PLEKHG1: variants seen among roughly 807,000 people sequenced by gnomAD.
PLEKHG1 encodes pleckstrin homology domain-containing family G member 1.
Under a neutral mutation model 100.8 loss-of-function variants are expected in PLEKHG1, and 44 were observed. The ratio of observed to expected loss-of-function variants is 0.44; its 90% CI spans 0.34 to 0.56. PLEKHG1 has a LOEUF of 0.56. PLEKHG1 is among the 20% of genes least tolerant of loss of function. PLEKHG1 has a pLI of 0.01. For missense variants in PLEKHG1, 1,545 were observed against 1,720.9 expected, an observed-to-expected ratio of 0.90 and a Z score of 1.81; for synonymous variants, 640 against 662.5, an observed-to-expected ratio of 0.97 and a Z score of 0.52.
intron 2 of PLEKHG1, among the ~76,000 whole-genome samples, chr6:150,759,619 G>A (rs144244779): frequency 3.3e-5 from 5 of 152,220 alleles, no homozygotes; most frequent in African/African-American, 9.6e-5. Flanking sequence ...TGGGATGAGT[G>A]GGACCCGTCT....
chr6:150,762,699 G>A (rs1481366755), intron 2 of PLEKHG1, among the ~76,000 whole-genome samples: 1 of 152,020 alleles, frequency 6.6e-6, no homozygotes, highest in Non-Finnish European at 1.5e-5. Flanking sequence ...GCAGTGGCCG[G>A]AGACCACCAT....
chr6:150,763,599 C>G (rs1464980499), intron 2 of PLEKHG1, among the ~76,000 whole-genome samples: 4 of 152,180 alleles, frequency 2.6e-5, no homozygotes, highest in Non-Finnish European at 5.9e-5. Context: ...AACCTCAGAA[C>G]AGCCCTGCCC....
At chr6:150,734,950 T>C (rs988582143) in intron 2 of PLEKHG1, among the ~76,000 whole-genome samples, 45 of 151,970 alleles carry the variant, frequency 3.0e-4, no homozygotes, top group African/African-American at 9.4e-4. Context: ...CTCTCAATTG[T>C]AGTTAAAAAT....
intron 14 of PLEKHG1, among the ~76,000 whole-genome samples, chr6:150,827,136 C>A (rs1583207773): frequency 6.6e-6 from 1 of 151,898 alleles, no homozygotes; most frequent in East Asian, 1.9e-4. Context: ...CTCAAGTGAT[C>A]TGCCTGCCTT....
chr6:150,753,038 G>A lies in PLEKHG1; in HGVS notation c.412-15600G>A, dbSNP rs144507255. On this transcript the variant is annotated intron_variant, in intron 2 of 15. Transcript: ENST00000358517. The stretch of plus-strand genomic sequence containing the variant: ...TGAGGTGGGAGGATGGCTTGAGCCC[G>A]GGAGGTGGAGGCTGCAGTGAGCTGT... Among the ~76,000 whole-genome samples the A allele has an allele frequency of 7.2e-3, 1,089 of 152,244 alleles. 11 individuals carry two copies. Among genetic ancestry groups the A allele is most frequent in the African/African-American group, 0.025 (1,030 of 41,522 alleles).
chr6:150,823,575 T>C (rs1393465736), intron 13 of PLEKHG1, 79 bp from the exon 15 acceptor site: 6 of 971,104 alleles, frequency 6.2e-6, no homozygotes, highest in Non-Finnish European at 9.6e-6. Context: ...AGTTTCTAAG[T>C]TCTATAAAAT....
At chr6:150,806,223 CTTT>C (rs58040509) in intron 7 of PLEKHG1, among the ~76,000 whole-genome samples, 528 of 89,744 alleles carry the variant, frequency 5.9e-3, no homozygotes, top group African/African-American at 0.019. Context: ...TTCCAGGCTG[CTTT>C]TTTTTTTTTT....
intron 7 of PLEKHG1, among the ~76,000 whole-genome samples, chr6:150,808,706 C>G (rs539743836): frequency 6.6e-6 from 1 of 152,146 alleles, no homozygotes; most frequent in Admixed American, 6.5e-5. Context: ...GAGCCCTGAT[C>G]GCGCCACTTC....
intron 14 of PLEKHG1, among the ~76,000 whole-genome samples, chr6:150,829,032 C>T (rs1481737343): frequency 6.6e-6 from 1 of 152,262 alleles, no homozygotes; most frequent in East Asian, 1.9e-4. Context: ...ATTATTGTCT[C>T]TCTACTCCTC....
At chr6:150,611,400 G>C (rs62432656) in intron 1 of PLEKHG1, among the ~76,000 whole-genome samples, 11,373 of 152,304 alleles carry the variant, frequency 0.075, 536 homozygotes, top group Non-Finnish European at 0.1. Context: ...ATGTTAAGTG[G>C]TACAACAATT....
intron 4 of PLEKHG1, among the ~76,000 whole-genome samples, chr6:150,787,372 T>C (rs1785687770): frequency 6.6e-6 from 1 of 152,232 alleles, no homozygotes; most frequent in South Asian, 2.1e-4. Context: ...TTCTGAAACC[T>C]ACCCTTTCCT....
In PLEKHG1 at chr6:150,600,535, G is replaced by A. The variant is rs1290939086; in HGVS notation, c.-204+518G>A. On this transcript the variant is annotated intron_variant, in intron 1 of 3. Transcript: ENST00000367326. The surrounding 1 kb of genome is among the most constrained non-coding windows in gnomAD (Gnocchi z 6.2). Reference sequence around the variant, plus strand: ...CCCGAGGACCCGGGGACGCGCGGTGGGGGCGGCGGCCGAGCTGCTGCGGCG... The same window carrying A: ...CCCGAGGACCCGGGGACGCGCGGTGAGGGCGGCGGCCGAGCTGCTGCGGCG... Among the ~76,000 whole-genome samples the A allele has an allele frequency of 1.3e-5, 2 of 152,210 alleles. No individual in the cohort carries two copies. Among genetic ancestry groups the A allele is most frequent in the Non-Finnish European group, 2.9e-5 (2 of 68,024 alleles).
intron 10 of PLEKHG1, among the ~76,000 whole-genome samples, chr6:150,817,119 G>T (rs898260047): frequency 8.5e-5 from 13 of 152,176 alleles, no homozygotes; most frequent in Admixed American, 7.9e-4. Flanking sequence ...CTCGGGGGTT[G>T]GGGACCCCTG....
At chr6:150,720,334 G>C (rs1238570234), upstream of PLEKHG1, among the ~76,000 whole-genome samples, 1 of 151,936 alleles carries the variant, frequency 6.6e-6, no homozygotes, top group Non-Finnish European at 1.5e-5. Flanking sequence ...CAAAATAATT[G>C]GAAGGTCTCA....
At chr6:150,800,581 C>G in intron 5 of PLEKHG1, 138 bp from the exon 7 acceptor site, 1 of 750,202 alleles carries the variant, frequency 1.3e-6, no homozygotes, top group Middle Eastern at 2.8e-4. Context: ...TCCAATTTGC[C>G]TAAAGGCATG....
intron 2 of PLEKHG1, among the ~76,000 whole-genome samples, chr6:150,740,218 A>G (rs1238723024): frequency 6.6e-6 from 1 of 152,236 alleles, no homozygotes; most frequent in Non-Finnish European, 1.5e-5. Flanking sequence ...CCCTCCCTTG[A>G]GGACAGTACT....
chr6:150,619,062 A>G (rs983842686), intron 1 of PLEKHG1, among the ~76,000 whole-genome samples: 1 of 152,192 alleles, frequency 6.6e-6, no homozygotes, highest in Non-Finnish European at 1.5e-5. Context: ...AGCCTGGGCA[A>G]TAGAGTAACA....
chr6:150,791,307 A>C (rs1785966331), intron 4 of PLEKHG1, among the ~76,000 whole-genome samples: 1 of 152,172 alleles, frequency 6.6e-6, no homozygotes, highest in South Asian at 2.1e-4. Flanking sequence ...TGTAAGATTA[A>C]AAATTGATTA....
At chr6:150,793,246 G>GT (rs1289864195) in intron 4 of PLEKHG1, among the ~76,000 whole-genome samples, 1 of 152,030 alleles carries the variant, frequency 6.6e-6, no homozygotes, top group Non-Finnish European at 1.5e-5. Flanking sequence ...TCCATAAAAA[G>GT]TTTTAAACTT....
Sources: allele counts gnomAD v4.1 joint callset (sites outside exome capture counted in the v4.1 genomes callset), GRCh38; gene constraint gnomAD v4.1.1; non-coding constraint Gnocchi (gnomAD v3.1); transcripts MANE v1.5; gene names NCBI Gene and HGNC (gene_info 2026-07-23, HGNC 2026-07-21).